RASD1: variants seen among roughly 807,000 people sequenced by gnomAD.
The protein encoded by RASD1 is ras related dexamethasone induced 1, also known as dexamethasone-induced Ras-related protein 1.
RASD1 carries 13 observed loss-of-function variants against 16.7 expected under a neutral mutation model. That is an observed-to-expected ratio of 0.78 (90% CI 0.51 to 1.24). The LOEUF (loss-of-function observed/expected upper bound fraction) is 1.24, where lower values mean the gene tolerates loss of function less well. Among genes scored for constraint, RASD1 ranks in the 50% most tolerant of loss-of-function variants. The pLI, the probability that RASD1 is intolerant of heterozygous loss-of-function variation, is 0.00. For missense variants in RASD1, 397 were observed against 407.5 expected (o/e 0.97, Z 0.22); for synonymous variants, 170 against 172.6 (o/e 0.98, Z 0.12).
chr17:17,496,343 A>AGGCTGGGCTC lies in RASD1; in HGVS notation c.-172_-163dup, dbSNP rs1905444367. Reference sequence around the variant, plus strand: ...GCTCCGCTCGGGCTGGGCTCGGGCTAGGCTGGGCTCGGCTGGGGTTCTCCC... The same window carrying AGGCTGGGCTC: ...GCTCCGCTCGGGCTGGGCTCGGGCTAGGCTGGGCTCGGCTGGGCTCGGCTGGGGTTCTCCC... On this transcript the variant is annotated 5_prime_UTR_variant, in exon 1 of 2. Transcript: ENST00000225688. 5.4e-6 allele frequency: 4 copies of AGGCTGGGCTC among 746,128 alleles called. No homozygotes were observed. The highest frequency in any genetic ancestry group is 8.1e-6 in the Non-Finnish European group (4 of 492,588). 46.2% of individuals were successfully genotyped at this position (746,128 alleles called of 1,614,324 possible).
rs1413163066 is a variant in RASD1 at position 17,495,622 on chromosome 17, G to A, written c.349C>T (p.Leu117Phe). 1 of 1,613,080 alleles carries A rather than the reference G, an allele frequency of 6.2e-7. No individual in the cohort carries two copies. The highest frequency in any genetic ancestry group is 1.3e-5 in the African/African-American group (1 of 75,056). Residue 117 changes from leucine (L) to phenylalanine (F), a missense_variant, in exon 2 of 2, where the codon CTC (leucine) becomes TTC (phenylalanine). Coordinates refer to ENST00000225688, the MANE Select transcript of RASD1 (RefSeq NM_016084.5). ...TTGGTGTCGAGGATCTGCTGCCTGA[G>A]CCGCTGCACCTCCTCGAAGGAGTCG... ...NRDSFEEVQR[L>F]RQQILDTKSC... is the part of the protein sequence containing the mutation.
chr17:17,495,839 G>A lies in RASD1; in HGVS notation c.286+57C>T, dbSNP rs1905415388. ...GCAGCCGGACCGGCGCTCGCGGGGCGCCCTGGCCGAGGGTTCCCCGCCCTT... is the reference window on the plus strand; with the variant it reads ...GCAGCCGGACCGGCGCTCGCGGGGCACCCTGGCCGAGGGTTCCCCGCCCTT... On this transcript the variant is annotated intron_variant, in intron 1 of 1. Transcript: ENST00000225688. 7 of 1,510,824 alleles carry A rather than the reference G, an allele frequency of 4.6e-6. No individual in the cohort carries two copies. The South Asian group carries it at 6.3e-5, about 14-fold the overall frequency. 93.6% of individuals were successfully genotyped at this position (1,510,824 alleles called of 1,614,324 possible).
chr17:17,495,991 A>G lies in RASD1; in HGVS notation c.191T>C (p.Phe64Ser). The G allele has an allele frequency of 6.2e-7, 1 of 1,613,894 alleles. No individual in the cohort carries two copies. The highest frequency in any genetic ancestry group is 8.5e-7 in the Non-Finnish European group (1 of 1,180,026). ...GTAGACCTCGCCGCGGATGGAGTAG[A>G]ACTTGCGGTGGAAGTCCTCGATGGT... ...TPTIEDFHRK[F>S]YSIRGEVYQL... Residue 64 changes from phenylalanine (F) to serine (S), a missense_variant, in exon 1 of 2, where the codon TTC (phenylalanine) becomes TCC (serine). Transcript: ENST00000225688.
At position 17,496,042 on chromosome 17, in the gene RASD1, C is replaced by T. The variant is rs372335816; in HGVS notation, c.140G>A (p.Gly47Asp). 5.0e-6 allele frequency: 8 copies of T among 1,614,130 alleles called. No homozygotes were observed. The highest frequency in any genetic ancestry group is 6.8e-6 in the Non-Finnish European group (8 of 1,180,026). ...AGGCGTGTAGGCGTCCTCGAAGCGG[C>T]CGGTGAGGAAGCGCGACACGATGGC... ...KTAIVSRFLT[G>D]RFEDAYTPTI... The change falls in exon 1 of 2, where the codon GGC becomes GAC. Residue 47 changes from glycine to aspartate, a missense_variant. Physicochemically the swap from Gly to Asp is moderately conservative, Grantham distance 94 (BLOSUM62 -1). Coordinates refer to ENST00000225688, the MANE Select transcript of RASD1 (RefSeq NM_016084.5).
In RASD1 at chr17:17,495,256, G is replaced by A. The variant is rs780215994; in HGVS notation, c.715C>T (p.Pro239Ser). The A allele has an allele frequency of 3.1e-5, 49 of 1,573,768 alleles. No individual in the cohort carries two copies. The South Asian group carries it at 4.1e-4, about 13-fold the overall frequency. Residue 239 changes from proline (P) to serine (S), a missense_variant, in exon 2 of 2, where the codon CCG becomes TCG. Transcript: ENST00000225688. ...GCCACGATGCCAAAGGCGTCGCCCG[G>A]GTCGCCGCCGCCGCCGCCGCTGCCG... Reference protein sequence around the residue: ...RAGSGGGGGDPGDAFGIVAPF... With the variant: ...RAGSGGGGGDSGDAFGIVAPF...
In RASD1 at chr17:17,496,111, C is replaced by T. The variant is rs771000601; in HGVS notation, c.71G>A (p.Cys24Tyr). The T allele has an allele frequency of 9.9e-6, 16 of 1,613,898 alleles. No individual in the cohort carries two copies. Among genetic ancestry groups the T allele is most frequent in the East Asian group, 2.2e-5 (1 of 44,880 alleles). ...CGAGCCGAGGATGACCATGCGATAG[C>T]AGTTCTTGGCCGGGATACTCAGCTC... ...DSELSIPAKNCYRMVILGSSK... is the reference protein window; with the variant it reads ...DSELSIPAKNYYRMVILGSSK... The change falls in exon 1 of 2, where the codon TGC becomes TAC. Residue 24 changes from cysteine to tyrosine, a missense_variant. By Grantham distance (194) the Cys-to-Tyr change is radical (BLOSUM62 -2). Transcript: ENST00000225688.
In RASD1 at chr17:17,495,864, T is replaced by A. The variant is rs201658388; in HGVS notation, c.286+32A>T. On this transcript the variant is annotated intron_variant, in intron 1 of 1. Coordinates refer to ENST00000225688, the MANE Select transcript of RASD1 (RefSeq NM_016084.5). ...GCCCTGGCCGAGGGTTCCCCGCCCT[T>A]CCCTCCCGCACCTGCCCGGCCCCCG... The A allele has an allele frequency of 9.0e-4, 1,414 of 1,573,174 alleles. 14 individuals carry two copies. The African/African-American group carries it at 0.016, about 18-fold the overall frequency.
At position 17,495,367 on chromosome 17, in the gene RASD1, T is replaced by G; in HGVS notation, c.604A>C (p.Ser202Arg). 2 of 1,589,260 alleles carry G rather than the reference T, an allele frequency of 1.3e-6. No homozygotes were observed. Among genetic ancestry groups the G allele is most frequent in the Non-Finnish European group, 1.7e-6 (2 of 1,168,018 alleles). Reference protein sequence around the residue: ...FAMAKLPSEMSPDLHRKVSVQ... With the variant: ...FAMAKLPSEMRPDLHRKVSVQ... ...GAGACCTTGCGGTGCAGGTCTGGGC[T>G]CATCTCGCTGGGCAGCTTGGCCATG... The change falls in exon 2 of 2, where the codon AGC (serine) becomes CGC (arginine). Residue 202 changes from serine (S) to arginine (R), a missense_variant. Transcript: ENST00000225688.
In RASD1 at chr17:17,496,332, G is replaced by GGGCTCGGGCTA. The variant is rs1405553258; in HGVS notation, c.-162_-152dup. On this transcript the variant is annotated 5_prime_UTR_variant, in exon 1 of 2. Transcript: ENST00000225688. The stretch of plus-strand genomic sequence containing the variant: ...TTGGGGCTCCGGCTCCGCTCGGGCT[G>GGGCTCGGGCTA]GGCTCGGGCTAGGCTGGGCTCGGCT... 2.4e-6 allele frequency: 2 copies of GGGCTCGGGCTA among 816,480 alleles called. No individual in the cohort carries two copies. The highest frequency in any genetic ancestry group is 1.9e-5 in the South Asian group (1 of 52,176). 50.6% of individuals were successfully genotyped at this position (816,480 alleles called of 1,614,324 possible). A position where few individuals can be genotyped will look rare whatever the true frequency, so the allele number is the denominator to read the frequency against.
Position 17,495,498 on chromosome 17 carries a change from C to T in RASD1, c.473G>A (p.Arg158His), listed in dbSNP as rs1271921145. The T allele has an allele frequency of 1.9e-6, 3 of 1,611,530 alleles. No homozygotes were observed. The highest frequency in any genetic ancestry group is 2.5e-6 in the Non-Finnish European group (3 of 1,179,348). Residue 158 changes from arginine to histidine, a missense_variant, in exon 2 of 2, where the codon CGC becomes CAC. Transcript: ENST00000225688. ...DRDFYREVDQ[R>H]EIEQLVGDDP... ...GTCGCCCACCAGCTGCTCGATCTCG[C>T]GCTGGTCCACCTCGCGGTAGAAGTC...
rs200956285 is a variant in RASD1 at position 17,495,258 on chromosome 17, T to TCGCCGC, written c.707_712dup (p.Gly236_Gly237dup). On this transcript the variant is annotated inframe_insertion, in exon 2 of 2. Transcript: ENST00000225688. Reference sequence around the variant, plus strand: ...CACGATGCCAAAGGCGTCGCCCGGGTCGCCGCCGCCGCCGCCGCTGCCGGC... The same window carrying TCGCCGC: ...CACGATGCCAAAGGCGTCGCCCGGGTCGCCGCCGCCGCCGCCGCCGCCGCTGCCGGC... The TCGCCGC allele has an allele frequency of 8.1e-5, 128 of 1,571,580 alleles. No homozygotes were observed. In the South Asian group the frequency reaches 1.1e-3, roughly 13 times the overall value.
chr17:17,496,270 G>C lies in RASD1; in HGVS notation c.-89C>G. On this transcript the variant is annotated 5_prime_UTR_variant, in exon 1 of 2. Coordinates refer to ENST00000225688, the MANE Select transcript of RASD1 (RefSeq NM_016084.5). ...GCTGGGGTGGCACGCGGGGTGAGCG[G>C]CTGGAGGGCTCTGCTCGGGCTGGGC... 1 of 1,386,048 alleles carries C rather than the reference G, an allele frequency of 7.2e-7. No homozygotes were observed. The highest frequency in any genetic ancestry group is 1.4e-5 in the South Asian group (1 of 71,220). 85.9% of individuals were successfully genotyped at this position (1,386,048 alleles called of 1,614,324 possible).
chr17:17,495,550 C>G lies in RASD1; in HGVS notation c.421G>C (p.Val141Leu). ...CGGTCACCCTTGTTGCCGCAGATGA[C>G]CAGGGGCACGTCCACGTTCTCCTTG... is the stretch of plus-strand genomic sequence containing the variant. ...KTKENVDVPL[V>L]ICGNKGDRDF... Residue 141 changes from valine to leucine, a missense_variant, in exon 2 of 2, where the codon GTC becomes CTC. Physicochemically the swap from Val to Leu is conservative, Grantham distance 32 (BLOSUM62 1). Coordinates refer to ENST00000225688, the MANE Select transcript of RASD1 (RefSeq NM_016084.5). The G allele has an allele frequency of 6.2e-7, 1 of 1,612,878 alleles. No homozygotes were observed. The highest frequency in any genetic ancestry group is 1.1e-5 in the South Asian group (1 of 90,948).
rs1905440738 is a variant in RASD1 at position 17,496,298 on chromosome 17, GGCTCGGGCTTGGGGCTCCGGCTCC to G, written c.-141_-118del. The G allele has an allele frequency of 2.5e-6, 3 of 1,185,704 alleles. No homozygotes were observed. The highest frequency in any genetic ancestry group is 3.2e-5 in the South Asian group (2 of 62,462). The allele number at this position is 1,185,704 out of a possible 1,614,324, so 73.4% of individuals were successfully genotyped here. On this transcript the variant is annotated 5_prime_UTR_variant, in exon 1 of 2. Transcript: ENST00000225688. ...GGAGGGCTCTGCTCGGGCTGGGCGCGGCTCGGGCTTGGGGCTCCGGCTCCGCTCGGGCTGGGCTCGGGCTAGGCT... is the reference window on the plus strand; with the variant it reads ...GGAGGGCTCTGCTCGGGCTGGGCGCGGCTCGGGCTGGGCTCGGGCTAGGCT...
In RASD1 at chr17:17,495,909, G is replaced by A. The variant is rs754848213; in HGVS notation, c.273C>T (p.Leu91=). The A allele has an allele frequency of 2.5e-6, 4 of 1,608,926 alleles. No individual in the cohort carries two copies. Among genetic ancestry groups the A allele is most frequent in the South Asian group, 1.1e-5 (1 of 91,038 alleles). ...CCCCCGGCTCACCTGTGAGGATGGAGAGGCGCCGCATGGCGGGGAACGGGT... is the reference window on the plus strand; with the variant it reads ...CCCCCGGCTCACCTGTGAGGATGGAAAGGCGCCGCATGGCGGGGAACGGGT... ...GNHPFPAMRR[L]SILTGDVFIL... is the part of the protein sequence containing the mutation. Residue 91 remains leucine (L), a synonymous_variant, in exon 1 of 2, where the codon CTC becomes CTT. Transcript: ENST00000225688.
chr17:17,496,000 T>C lies in RASD1; in HGVS notation c.182A>G (p.His61Arg). The C allele has an allele frequency of 5.0e-6, 8 of 1,613,836 alleles. No individual in the cohort carries two copies. Among genetic ancestry groups the C allele is most frequent in the Non-Finnish European group, 6.8e-6 (8 of 1,179,992 alleles). Residue 61 changes from histidine (H) to arginine (R), a missense_variant, in exon 1 of 2, where the codon CAC becomes CGC. By Grantham distance (29) the His-to-Arg change is conservative. Transcript: ENST00000225688. ...DAYTPTIEDF[H>R]RKFYSIRGEV... The stretch of plus-strand genomic sequence containing the variant: ...GCCGCGGATGGAGTAGAACTTGCGG[T>C]GGAAGTCCTCGATGGTAGGCGTGTA...
At position 17,495,164 on chromosome 17, in the gene RASD1, G is replaced by A. The variant is rs1443146056; in HGVS notation, c.807C>T (p.Gly269=). The A allele has an allele frequency of 3.7e-6, 6 of 1,611,610 alleles. No individual in the cohort carries two copies. Among genetic ancestry groups the A allele is most frequent in the Admixed American group, 3.3e-5 (2 of 59,990 alleles). The change falls in exon 2 of 2, where the codon GGC becomes GGT. Residue 269 remains glycine, a synonymous_variant. Coordinates refer to ENST00000225688, the MANE Select transcript of RASD1 (RefSeq NM_016084.5). Reference sequence around the variant, plus strand: ...AGCGCTCCTTGTCCTTGGCCTGGCTGCCGGCGCTGGCCTTCTCGCGGATGT... The same window carrying A: ...AGCGCTCCTTGTCCTTGGCCTGGCTACCGGCGCTGGCCTTCTCGCGGATGT... The part of the protein sequence containing the change: ...LMYIREKASA[G]SQAKDKERCV...
In RASD1 at chr17:17,496,004, A is replaced by T. The variant is rs1905423365; in HGVS notation, c.178T>A (p.Phe60Ile). 3 of 1,614,010 alleles carry T rather than the reference A, an allele frequency of 1.9e-6. No individual in the cohort carries two copies. In the East Asian group the frequency reaches 6.7e-5, roughly 36 times the overall value. The change falls in exon 1 of 2, where the codon TTC becomes ATC. Residue 60 changes from phenylalanine to isoleucine, a missense_variant. By Grantham distance (21) the Phe-to-Ile change is conservative. Transcript: ENST00000225688. ...CGGATGGAGTAGAACTTGCGGTGGA[A>T]GTCCTCGATGGTAGGCGTGTAGGCG... ...EDAYTPTIED[F>I]HRKFYSIRGE...
Position 17,495,258 on chromosome 17 carries a change from TCGCCGCCGC to T in RASD1, c.704_712del (p.Gly235_Gly237del), listed in dbSNP as rs200956285. 1.9e-6 allele frequency: 3 copies of T among 1,571,580 alleles called. No homozygotes were observed. Among genetic ancestry groups the T allele is most frequent in the Non-Finnish European group, 2.6e-6 (3 of 1,160,632 alleles). The stretch of plus-strand genomic sequence containing the variant: ...CACGATGCCAAAGGCGTCGCCCGGG[TCGCCGCCGC>T]CGCCGCCGCTGCCGGCCCGCAGCAG... On this transcript the variant is annotated inframe_deletion, in exon 2 of 2. Coordinates refer to ENST00000225688, the MANE Select transcript of RASD1 (RefSeq NM_016084.5).
Sources: gnomAD v4.1 joint callset for allele counts on GRCh38, gnomAD v4.1.1 for gene constraint, MANE v1.5 for transcripts, NCBI Gene and HGNC (gene_info 2026-07-23, HGNC 2026-07-21) for gene names.